DPY19L3: variants seen among roughly 807,000 people sequenced by gnomAD.
DPY19L3 encodes the protein dpy-19 like C-mannosyltransferase 3.
Under a neutral mutation model 92.3 loss-of-function variants are expected in DPY19L3, and 51 were observed. The observed-to-expected ratio is 0.55, with a 90% CI of 0.44 to 0.70. DPY19L3 has a LOEUF of 0.70. DPY19L3 is among the 30% of genes least tolerant of loss of function. DPY19L3 has a pLI of 0.00. For synonymous variants in DPY19L3, 309 were observed against 315.2 expected (o/e 0.98, Z 0.21); for missense variants, 706 against 855.9 (o/e 0.82, Z 2.18).
At position 32,411,325 on chromosome 19, in the gene DPY19L3, T is replaced by C. The variant is rs1173521275; in HGVS notation, c.190T>C (p.Tyr64His). 2 of 1,614,122 alleles carry C rather than the reference T, an allele frequency of 1.2e-6. No individual in the cohort carries two copies. The highest frequency in any genetic ancestry group is 1.7e-6 in the Non-Finnish European group (2 of 1,179,996). The change falls in exon 3 of 19, where the codon TAC (tyrosine) becomes CAC (histidine). Residue 64 changes from tyrosine (Y) to histidine (H), a missense_variant. By Grantham distance (83) the Tyr-to-His change is moderately conservative. Coordinates refer to ENST00000392250, the MANE Select transcript of DPY19L3 (RefSeq NM_001172774.2). ...TTGCATTGGACTTCTTACATCTGTC[T>C]ACCTTGCCACGTTACATGAAAATGA... ...ALCIGLLTSV[Y>H]LATLHENDLW...
At chr19:32,455,112 TTTC>T in intron 10 of DPY19L3, 72 bp downstream of exon 10, 1 of 1,020,570 alleles carries the variant, frequency 9.8e-7, no homozygotes, top group Non-Finnish European at 1.4e-6. Flanking sequence ...TTTTTGAAAC[TTTC>T]TTTTTCTTTT....
chr19:32,450,381 A>G (rs1336522161), intron 8 of DPY19L3, among the ~76,000 whole-genome samples: 1 of 152,196 alleles, frequency 6.6e-6, no homozygotes, highest in African/African-American at 2.4e-5. Flanking sequence ...TCCCACTCCT[A>G]GATACATACC....
intron 8 of DPY19L3, 53 bp from the exon 9 acceptor site, chr19:32,453,092 G>A (rs1490188678): frequency 6.2e-7 from 1 of 1,604,104 alleles, no homozygotes; most frequent in Non-Finnish European, 8.5e-7. Context: ...ATGTCGACAT[G>A]TGATGATCTC....
At chr19:32,443,777 AGGCCG>A (rs766280986) in intron 8 of DPY19L3, among the ~76,000 whole-genome samples, 3 of 152,192 alleles carry the variant, frequency 2.0e-5, no homozygotes, top group Non-Finnish European at 4.4e-5. Flanking sequence ...ATCACTTCTT[AGGCCG>A]AGCGCAGTGG....
At chr19:32,417,173 G>A in intron 3 of DPY19L3, among the ~76,000 whole-genome samples, 1 of 152,206 alleles carries the variant, frequency 6.6e-6, no homozygotes, top group East Asian at 1.9e-4. Context: ...TGGTTTGGCT[G>A]TGTCCCCACC....
chr19:32,477,336 G>T lies in DPY19L3; in HGVS notation c.1698-186G>T, dbSNP rs566009042. On this transcript the variant is annotated intron_variant, in intron 16 of 18. Transcript: ENST00000392250. ...GCCATTGAAAGTAATGGCAAAAACC[G>T]CAATTACTTTTGCACTCAATAGTTT... is the stretch of plus-strand genomic sequence containing the variant. The T allele has an allele frequency of 1.0e-4, 59 of 570,722 alleles. No individual in the cohort carries two copies. In the South Asian group the frequency reaches 1.1e-3, roughly 10 times the overall value. 35.4% of individuals were successfully genotyped at this position (570,722 alleles called of 1,614,324 possible).
chr19:32,439,688 G>C, intron 7 of DPY19L3, 88 bp from the exon 8 acceptor site: 1 of 1,365,714 alleles, frequency 7.3e-7, no homozygotes, highest in South Asian at 1.3e-5. Flanking sequence ...TTGGTTTATA[G>C]AGATACTGGC....
Position 32,477,702 on chromosome 19 carries a change from G to C in DPY19L3, c.1830+48G>C, listed in dbSNP as rs1285244103. 7 of 1,609,814 alleles carry C rather than the reference G, an allele frequency of 4.3e-6. No homozygotes were observed. The African/African-American group carries it at 9.4e-5, about 22-fold the overall frequency. ...CTCGCTTCTTGTGGGCCAGCTATGG[G>C]CTGCGTGTCCCTATGTGTGGTAAAG... is the stretch of plus-strand genomic sequence containing the variant. On this transcript the variant is annotated intron_variant, in intron 17 of 18. Coordinates refer to ENST00000392250, the MANE Select transcript of DPY19L3 (RefSeq NM_001172774.2).
chr19:32,464,081 C>G (rs375850383), intron 14 of DPY19L3, 101 bp downstream of exon 14: 1 of 580,476 alleles, frequency 1.7e-6, no homozygotes, highest in Non-Finnish European at 3.0e-6. Context: ...AAAATGGATA[C>G]TGAAATTGAA....
intron 8 of DPY19L3, among the ~76,000 whole-genome samples, chr19:32,442,662 A>G (rs1969361051): frequency 6.6e-6 from 1 of 152,194 alleles, no homozygotes; most frequent in African/African-American, 2.4e-5. Flanking sequence ...AAACCTGGGA[A>G]TAACAATGGA....
chr19:32,464,778 C>T lies in DPY19L3; in HGVS notation c.1608C>T (p.Cys536=), dbSNP rs1382040709. Residue 536 remains cysteine (C), a synonymous_variant, in exon 15 of 19, where the codon TGC becomes TGT. Coordinates refer to ENST00000392250, the MANE Select transcript of DPY19L3 (RefSeq NM_001172774.2). ...SVPILILLYL[C]YKFWPGMMDE... ...CGATATTAATACTGCTGTATCTATG[C>T]TATAAGGTAAGACTGATTTTCCTCA... 1 of 1,522,918 alleles carries T rather than the reference C, an allele frequency of 6.6e-7. No individual in the cohort carries two copies. The highest frequency in any genetic ancestry group is 1.9e-5 in the Admixed American group (1 of 52,314). The allele number at this position is 1,522,918 out of a possible 1,614,324, so 94.3% of individuals were successfully genotyped here. A position where few individuals can be genotyped will look rare whatever the true frequency, so the allele number is the denominator to read the frequency against.
In DPY19L3 at chr19:32,468,612, A is replaced by C. The variant is rs974244332; in HGVS notation, c.1615-119A>C. The stretch of plus-strand genomic sequence containing the variant: ...AGGTGAAATAGTTGTATATTCCAGT[A>C]GCTATGTTTATTTAGTTCACACATT... On this transcript the variant is annotated intron_variant, in intron 15 of 18. Transcript: ENST00000392250. 9.2e-6 allele frequency: 13 copies of C among 1,416,994 alleles called. No individual in the cohort carries two copies. In the African/African-American group the frequency reaches 1.9e-4, roughly 21 times the overall value. The allele number at this position is 1,416,994 out of a possible 1,614,324, so 87.8% of individuals were successfully genotyped here. A position where few individuals can be genotyped will look rare whatever the true frequency, so the allele number is the denominator to read the frequency against.
chr19:32,438,192 G>A (rs1365209925), intron 6 of DPY19L3, among the ~76,000 whole-genome samples: 1 of 152,116 alleles, frequency 6.6e-6, no homozygotes, highest in African/African-American at 2.4e-5. Flanking sequence ...TTCAATAGGA[G>A]TCTTAAAACT....
chr19:32,467,502 A>G, intron 15 of DPY19L3: 1 of 987,614 alleles, frequency 1.0e-6, no homozygotes, highest in Non-Finnish European at 1.2e-6. Flanking sequence ...CTGATTTCCC[A>G]TCACTAGCAA....
At chr19:32,467,394 G>T (rs902725465) in intron 15 of DPY19L3, 1 of 976,478 alleles carries the variant, frequency 1.0e-6, no homozygotes, top group African/African-American at 1.8e-5. Context: ...TATCAAATTA[G>T]TAAGGAAACA....
chr19:32,466,435 G>A (rs1267484309), intron 15 of DPY19L3, among the ~76,000 whole-genome samples: 1 of 152,178 alleles, frequency 6.6e-6, no homozygotes, highest in Non-Finnish European at 1.5e-5. Flanking sequence ...TTGACACTTG[G>A]GCCAGAGAAT....
At chr19:32,421,260 A>G (rs553100303) in intron 3 of DPY19L3, among the ~76,000 whole-genome samples, 1 of 152,330 alleles carries the variant, frequency 6.6e-6, no homozygotes, top group African/African-American at 2.4e-5. Context: ...CCTCAGAGCA[A>G]TTAAGGAATG....
chr19:32,451,403 C>G (rs1206908530), intron 8 of DPY19L3, among the ~76,000 whole-genome samples: 1 of 152,090 alleles, frequency 6.6e-6, no homozygotes, highest in Non-Finnish European at 1.5e-5. Context: ...GTCTAACTCT[C>G]CTAGAGTAAG....
At chr19:32,408,455 A>G (rs955676703) in intron 2 of DPY19L3, 99 bp downstream of exon 2, 9 of 776,806 alleles carry the variant, frequency 1.2e-5, no homozygotes, top group South Asian at 8.9e-5. Context: ...GGACCTAACA[A>G]TTGAAACTTG....
Sources: gnomAD v4.1 joint callset for allele counts (sites outside exome capture counted in the v4.1 genomes callset) on GRCh38, gnomAD v4.1.1 for gene constraint, MANE v1.5 for transcripts, NCBI Gene and HGNC (gene_info 2026-07-23, HGNC 2026-07-21) for gene names.